LRFN5: variants seen among roughly 807,000 people sequenced by gnomAD.
LRFN5 encodes the protein leucine rich repeat and fibronectin type III domain containing 5, also known as leucine-rich repeat and fibronectin type-III domain-containing protein 5.
In LRFN5, 24 loss-of-function variants were observed where a neutral mutation model predicts 45.6. That is an observed-to-expected ratio of 0.53 (90% CI 0.38 to 0.74). LRFN5 has a LOEUF of 0.74. Among genes scored for constraint, LRFN5 ranks in the 30% least tolerant of loss-of-function variants. The probability of loss-of-function intolerance (pLI) is 0.00; values close to 1 mark genes in which losing one functional copy is unlikely to be tolerated. For missense variants in LRFN5, 776 were observed against 861.5 expected, an observed-to-expected ratio of 0.90 and a Z score of 1.24; for synonymous variants, 340 against 313.8, an observed-to-expected ratio of 1.08 and a Z score of -0.88.
At chr14:41,610,206 A>G (rs1408855559) in intron 1 of LRFN5, 1 of 152,372 alleles carries the variant, frequency 6.6e-6, no homozygotes, top group Non-Finnish European at 1.5e-5. Context: ...AGAGCCACAG[A>G]GGAGCGTGGA....
intron 1 of LRFN5, among the ~76,000 whole-genome samples, chr14:41,684,580 G>T (rs1882041884): frequency 6.6e-6 from 1 of 152,112 alleles, no homozygotes; most frequent in Non-Finnish European, 1.5e-5. Context: ...AACATGTGGG[G>T]ATTATGGGGA....
At chr14:41,759,630 CATAT>C (rs1252726635) in intron 1 of LRFN5, among the ~76,000 whole-genome samples, 4 of 152,054 alleles carry the variant, frequency 2.6e-5, no homozygotes, top group African/African-American at 7.2e-5. Context: ...GTCATTTTAC[CATAT>C]TACATACCTG....
chr14:41,759,076 C>T (rs2138863838), intron 1 of LRFN5, among the ~76,000 whole-genome samples: 1 of 152,198 alleles, frequency 6.6e-6, no homozygotes, highest in Middle Eastern at 3.4e-3. Context: ...ACACGTGGTA[C>T]ATCACATGAT....
At chr14:41,729,335 T>G (rs978744530) in intron 1 of LRFN5, among the ~76,000 whole-genome samples, 1 of 151,948 alleles carries the variant, frequency 6.6e-6, no homozygotes, top group Non-Finnish European at 1.5e-5. Context: ...CCATATGACA[T>G]CCCTCCTCCC....
chr14:41,864,257 C>A (rs1283041147), intron 2 of LRFN5, among the ~76,000 whole-genome samples: 3 of 152,016 alleles, frequency 2.0e-5, no homozygotes, highest in African/African-American at 7.2e-5. Context: ...ACTGTCTTCC[C>A]CAATGGTTGA....
intron 2 of LRFN5, among the ~76,000 whole-genome samples, chr14:41,849,343 C>A (rs1421512166): frequency 6.6e-6 from 1 of 151,840 alleles, no homozygotes; most frequent in Non-Finnish European, 1.5e-5. Context: ...GTCTTCCACT[C>A]TATGGTGAAA....
intron 1 of LRFN5, among the ~76,000 whole-genome samples, chr14:41,609,092 G>A (rs1025767537): frequency 1.3e-5 from 2 of 152,152 alleles, no homozygotes; most frequent in African/African-American, 4.8e-5. Flanking sequence ...ACTCGAAATG[G>A]AGTTTTCTTG....
chr14:41,726,409 C>T (rs1883935262), intron 1 of LRFN5, among the ~76,000 whole-genome samples: 1 of 152,106 alleles, frequency 6.6e-6, no homozygotes, highest in Non-Finnish European at 1.5e-5. Flanking sequence ...AAAGATAACT[C>T]TTGCTAAACT....
At chr14:41,751,988 C>T (rs1266488717) in intron 1 of LRFN5, among the ~76,000 whole-genome samples, 1 of 152,092 alleles carries the variant, frequency 6.6e-6, no homozygotes, top group Non-Finnish European at 1.5e-5. Flanking sequence ...TTGTTCAATT[C>T]CAATCTATGA....
At chr14:41,872,497 T>G (rs888696848) in intron 2 of LRFN5, among the ~76,000 whole-genome samples, 1 of 152,184 alleles carries the variant, frequency 6.6e-6, no homozygotes, top group African/African-American at 2.4e-5. Flanking sequence ...TTAAACATGT[T>G]AGAGAGCAAT....
At chr14:41,682,995 C>A (rs1344947953) in intron 1 of LRFN5, among the ~76,000 whole-genome samples, 1 of 152,016 alleles carries the variant, frequency 6.6e-6, no homozygotes, top group African/African-American at 2.4e-5. Context: ...ACCAGACAGA[C>A]ACAGCAGTAA....
At chr14:41,672,158 T>C (rs917608201) in intron 1 of LRFN5, among the ~76,000 whole-genome samples, 1 of 152,224 alleles carries the variant, frequency 6.6e-6, no homozygotes, top group Non-Finnish European at 1.5e-5. Context: ...CCTTCTTACC[T>C]CACTAGACGT....
intron 2 of LRFN5, among the ~76,000 whole-genome samples, chr14:41,795,665 G>C (rs1190274962): frequency 5.9e-5 from 9 of 151,892 alleles, no homozygotes; most frequent in Non-Finnish European, 1.2e-4. Flanking sequence ...TCTCAGCAAA[G>C]TATCGCAAGG....
At chr14:41,728,837 A>C (rs1884047056) in intron 1 of LRFN5, among the ~76,000 whole-genome samples, 1 of 152,140 alleles carries the variant, frequency 6.6e-6, no homozygotes. Context: ...GGCATCTTTA[A>C]TTTTAATGGC....
chr14:41,660,179 C>T (rs1021622641), intron 1 of LRFN5, among the ~76,000 whole-genome samples: 1 of 152,024 alleles, frequency 6.6e-6, no homozygotes, highest in Non-Finnish European at 1.5e-5. Context: ...GCACCTACCA[C>T]CATGCCCAGA....
At chr14:41,893,174 T>C (rs1890838922) in intron 4 of LRFN5, 4 of 982,364 alleles carry the variant, frequency 4.1e-6, no homozygotes, top group Non-Finnish European at 4.8e-6. Context: ...TAACTAGAAA[T>C]CATGCTGCTT....
intron 1 of LRFN5, among the ~76,000 whole-genome samples, chr14:41,719,535 A>G (rs1883626969): frequency 6.6e-6 from 1 of 152,062 alleles, no homozygotes; most frequent in Non-Finnish European, 1.5e-5. Flanking sequence ...TGTTTTTACT[A>G]TGCCAACACT....
intron 1 of LRFN5, among the ~76,000 whole-genome samples, chr14:41,640,487 C>A (rs1303629568): frequency 1.3e-5 from 2 of 151,946 alleles, no homozygotes; most frequent in Non-Finnish European, 2.9e-5. Flanking sequence ...CTATCATGAC[C>A]TTTTTATATC....
In LRFN5 at chr14:41,863,560, A is replaced by G. The variant is rs1408804916; in HGVS notation, c.-20-23046A>G. ...ATTTAGAGTGCACTGGCCAATTTCT[A>G]CACAAATGCATATTTTATAGACGTT... On this transcript the variant is annotated intron_variant, in intron 2 of 5. Transcript: ENST00000298119. Among the ~76,000 whole-genome samples the G allele has an allele frequency of 3.3e-5, 5 of 152,294 alleles. No homozygotes were observed. In the East Asian group the frequency reaches 7.7e-4, roughly 23 times the overall value.
Sources: allele counts gnomAD v4.1 joint callset (sites outside exome capture counted in the v4.1 genomes callset), GRCh38; gene constraint gnomAD v4.1.1; transcripts MANE v1.5; gene names NCBI Gene and HGNC (gene_info 2026-07-23, HGNC 2026-07-21).